LTBP2: variants seen among roughly 807,000 people sequenced by gnomAD.
LTBP2 encodes the protein latent transforming growth factor beta binding protein 2.
Under a neutral mutation model 210.6 loss-of-function variants are expected in LTBP2, and 103 were observed. That is an observed-to-expected ratio of 0.49 (90% confidence interval 0.42 to 0.58). The LOEUF (loss-of-function observed/expected upper bound fraction) is 0.58, where lower values mean the gene tolerates loss of function less well. LTBP2 is among the 20% of genes least tolerant of loss of function. The pLI, the probability that LTBP2 is intolerant of heterozygous loss-of-function variation, is 0.00. For missense variants in LTBP2, 2,313 were observed against 2,494.5 expected (o/e 0.93, Z 1.55); for synonymous variants, 1,007 against 1,015.0 (o/e 0.99, Z 0.15).
At chr14:74,570,113 G>T (rs557157833) in intron 3 of LTBP2, among the ~76,000 whole-genome samples, 8 of 152,084 alleles carry the variant, frequency 5.3e-5, no homozygotes, top group Non-Finnish European at 1.2e-4. Context: ...GGGGCTGGAG[G>T]AAGGGGAGGA....
intron 1 of LTBP2, among the ~76,000 whole-genome samples, chr14:74,605,727 C>A (rs905736285): frequency 2.0e-5 from 3 of 152,196 alleles, no homozygotes; most frequent in Admixed American, 6.5e-5. Flanking sequence ...GCCCCCTGAG[C>A]CAGCCGTCAC....
At chr14:74,538,342 C>A (rs559238854) in intron 8 of LTBP2, among the ~76,000 whole-genome samples, 2 of 151,936 alleles carry the variant, frequency 1.3e-5, no homozygotes, top group African/African-American at 4.8e-5. Flanking sequence ...TAGGTCGTCA[C>A]GATTTTTACT....
chr14:74,503,835 T>C, intron 31 of LTBP2, 91 bp downstream of exon 31: 2 of 1,565,702 alleles, frequency 1.3e-6, no homozygotes, highest in Non-Finnish European at 1.7e-6. Context: ...AGGGGGACTC[T>C]CAGCAATAAT....
At position 74,611,767 on chromosome 14, in the gene LTBP2, A is replaced by T. The variant is rs563810761; in HGVS notation, c.178T>A (p.Tyr60Asn). 1 of 1,609,076 alleles carries T rather than the reference A, an allele frequency of 6.2e-7. No homozygotes were observed. Among genetic ancestry groups the T allele is most frequent in the African/African-American group, 1.3e-5 (1 of 75,012 alleles). The change falls in exon 1 of 36, where the codon TAC becomes AAC. Residue 60 changes from tyrosine (Y) to asparagine (N), a missense_variant. By Grantham distance (143) the Tyr-to-Asn change is moderately radical. Coordinates refer to ENST00000261978, the MANE Select transcript of LTBP2 (RefSeq NM_000428.3). ...ACCTTGGCTGCAGCCGCTGCCGGGT[A>T]GCTGCCCCCAGGGCGCCGCAGTCGA... Reference protein sequence around the residue: ...ANRLRRPGGSYPAAAAAKVYS... With the variant: ...ANRLRRPGGSNPAAAAAKVYS...
chr14:74,596,899 G>C (rs1431095645), intron 2 of LTBP2, among the ~76,000 whole-genome samples: 1 of 152,214 alleles, frequency 6.6e-6, no homozygotes, highest in Non-Finnish European at 1.5e-5. Context: ...ATGTCTGGGA[G>C]ACATCAAGCG....
In LTBP2 at chr14:74,553,923, C is replaced by CGTGTGTGTGTGTGT. The variant is rs34143485; in HGVS notation, c.1022-875_1022-862dup. On this transcript the variant is annotated intron_variant, in intron 4 of 35. Transcript: ENST00000261978. ...AGGAGATAGGAAGAAAGCGGAGAAA[C>CGTGTGTGTGTGTGT]GTGTGTGTGTGTGTGTGTGTGTGTG... Among the ~76,000 whole-genome samples the CGTGTGTGTGTGTGT allele has an allele frequency of 6.3e-3, 823 of 130,614 alleles. 12 individuals carry two copies. Among genetic ancestry groups the CGTGTGTGTGTGTGT allele is most frequent in the Non-Finnish European group, 8.6e-3 (540 of 62,472 alleles). 85.7% of individuals were successfully genotyped at this position (130,614 alleles called of 152,430 possible). A position where few individuals can be genotyped will look rare whatever the true frequency, so the allele number is the denominator to read the frequency against.
intron 2 of LTBP2, among the ~76,000 whole-genome samples, chr14:74,595,983 G>A (rs554476121): frequency 4.4e-4 from 67 of 152,194 alleles, no homozygotes; most frequent in African/African-American, 1.6e-3. Context: ...GATCACCTGA[G>A]GTCAGGTGTT....
At chr14:74,516,197 T>A (rs2087132412) in intron 18 of LTBP2, among the ~76,000 whole-genome samples, 1 of 152,222 alleles carries the variant, frequency 6.6e-6, no homozygotes, top group East Asian at 1.9e-4. Flanking sequence ...CCTACAAGCC[T>A]GTGACACCCC....
At chr14:74,585,826 C>T in intron 3 of LTBP2, 28 bp downstream of exon 3, 2 of 1,613,926 alleles carry the variant, frequency 1.2e-6, no homozygotes, top group Non-Finnish European at 1.7e-6. Flanking sequence ...AGCCCCAGAC[C>T]CCAAGCCCCA....
intron 8 of LTBP2, 145 bp from the exon 9 acceptor site, chr14:74,536,145 G>A (rs2087419310): frequency 2.8e-6 from 2 of 723,402 alleles, no homozygotes; most frequent in Non-Finnish European, 5.0e-6. Flanking sequence ...CTGGGCAGCT[G>A]TGCTTCCTGG....
chr14:74,540,492 G>T (rs917862513), intron 8 of LTBP2, among the ~76,000 whole-genome samples: 3 of 150,874 alleles, frequency 2.0e-5, no homozygotes, highest in African/African-American at 7.3e-5. Flanking sequence ...TAAATAAGGC[G>T]CAGTGGCTCA....
intron 3 of LTBP2, among the ~76,000 whole-genome samples, chr14:74,556,574 T>C (rs2087732197): frequency 3.9e-5 from 6 of 152,268 alleles, no homozygotes; most frequent in Admixed American, 3.9e-4. Context: ...TGGAGTGCAA[T>C]GGCGCGATCT....
At chr14:74,550,120 T>C (rs1424121958) in intron 7 of LTBP2, among the ~76,000 whole-genome samples, 155 bp from the exon 8 acceptor site, 1 of 152,174 alleles carries the variant, frequency 6.6e-6, no homozygotes, top group Non-Finnish European at 1.5e-5. Context: ...AGTCAGCCCA[T>C]ATCCCAGAAG....
Position 74,509,343 on chromosome 14 carries a change from G to A in LTBP2, c.3298C>T (p.Pro1100Ser), listed in dbSNP as rs1370673560. 1 of 1,613,518 alleles carries A rather than the reference G, an allele frequency of 6.2e-7. No homozygotes were observed. The highest frequency in any genetic ancestry group is 8.5e-7 in the Non-Finnish European group (1 of 1,179,978). Reference protein sequence around the residue: ...ACEDLDECAFPGVCPSGVCTN... With the variant: ...ACEDLDECAFSGVCPSGVCTN... ...CAGACTCCGGAGGGGCAGACTCCCG[G>A]GAAGGCACACTCATCTAGGTCTGCA... The change falls in exon 22 of 36, where the codon CCG becomes TCG. Residue 1100 changes from proline (P) to serine (S), a missense_variant. Transcript: ENST00000261978.
rs945741474 is a variant in LTBP2 at position 74,585,862 on chromosome 14, T to C, written c.822A>G (p.Pro274=). Residue 274 remains proline (P), a synonymous_variant, in exon 3 of 36, where the codon CCA becomes CCG. Coordinates refer to ENST00000261978, the MANE Select transcript of LTBP2 (RefSeq NM_000428.3). ...TGGAGAAGGGGACTTACCCAGCTGGTGGCGACTGTGGTGCGGGCGGCGACT... is the reference window on the plus strand; with the variant it reads ...TGGAGAAGGGGACTTACCCAGCTGGCGGCGACTGTGGTGCGGGCGGCGACT... The part of the protein sequence containing the change: ...APQSPPAPQS[P]PAGTLSGLSQ... The C allele has an allele frequency of 3.7e-6, 6 of 1,613,804 alleles. No individual in the cohort carries two copies. The highest frequency in any genetic ancestry group is 5.1e-6 in the Non-Finnish European group (6 of 1,179,800).
intron 10 of LTBP2, among the ~76,000 whole-genome samples, chr14:74,530,043 G>C (rs1005829818): frequency 6.6e-6 from 1 of 152,188 alleles, no homozygotes; most frequent in African/African-American, 2.4e-5. Flanking sequence ...GCTTCTTCAC[G>C]TGTAAAATGA....
Position 74,499,118 on chromosome 14 carries a change from A to G in LTBP2, c.*1766T>C, listed in dbSNP as rs1291497989. 1 of 216,876 alleles carries G rather than the reference A, an allele frequency of 4.6e-6. No homozygotes were observed. Among genetic ancestry groups the G allele is most frequent in the East Asian group, 6.9e-5 (1 of 14,560 alleles). 13.4% of individuals were successfully genotyped at this position (216,876 alleles called of 1,614,324 possible). A position where few individuals can be genotyped will look rare whatever the true frequency, so the allele number is the denominator to read the frequency against. ...TCTGTCAGCTGTTATGAGAGTACCT[A>G]TTTCCCACATGCTTGCCAGCTAGGA... On this transcript the variant is annotated 3_prime_UTR_variant, in exon 36 of 36. Coordinates refer to ENST00000261978, the MANE Select transcript of LTBP2 (RefSeq NM_000428.3).
chr14:74,569,458 AG>A (rs2087946217), intron 3 of LTBP2, among the ~76,000 whole-genome samples: 1 of 152,168 alleles, frequency 6.6e-6, no homozygotes, highest in African/African-American at 2.4e-5. Context: ...GTTGAACTGA[AG>A]GACTAAAGTT....
At chr14:74,527,410 G>T (rs1457954469) in intron 12 of LTBP2, 44 bp from the exon 13 acceptor site, 1 of 1,595,112 alleles carries the variant, frequency 6.3e-7, no homozygotes, top group South Asian at 1.1e-5. Flanking sequence ...AGGAGGGTCT[G>T]GCTGCCTTCT....
Sources: gnomAD v4.1 joint callset for allele counts (sites outside exome capture counted in the v4.1 genomes callset) on GRCh38, gnomAD v4.1.1 for gene constraint, MANE v1.5 for transcripts, NCBI Gene and HGNC (gene_info 2026-07-23, HGNC 2026-07-21) for gene names.